The following PAK3 variants were observed in gnomAD, a reference collection of about 807,000 sequenced individuals.
PAK3 encodes serine/threonine-protein kinase PAK 3.
PAK3 carries 4 observed loss-of-function variants against 41.0 expected under a neutral mutation model. That is an observed-to-expected ratio of 0.10 (90% CI 0.05 to 0.22). PAK3 has a LOEUF of 0.22. Ranked by LOEUF, PAK3 falls within the 10% of genes least tolerant of loss-of-function variation. The pLI is 1.00. For missense variants in PAK3, 205 were observed against 409.9 expected (o/e 0.50, Z 4.32); for synonymous variants, 146 against 139.6 (o/e 1.05, Z -0.32).
chrX:111,021,499 C>T (rs993364469), intron 1 of PAK3, among the ~76,000 whole-genome samples: 1 of 111,755 alleles, frequency 8.9e-6, no homozygotes, highest in African/African-American at 3.3e-5. Flanking sequence ...GAAAATAACA[C>T]ATTAAGGGAG....
intron 1 of PAK3, among the ~76,000 whole-genome samples, chrX:110,990,643 TAA>T (rs374554182): frequency 4.4e-4 from 44 of 98,978 alleles, no homozygotes; most frequent in African/African-American, 1.1e-3. Flanking sequence ...TGGCAGGAGT[TAA>T]AAAAAAAAAA....
At chrX:110,955,587 G>A (rs968786369) in intron 1 of PAK3, among the ~76,000 whole-genome samples, 1 of 111,669 alleles carries the variant, frequency 9.0e-6, no homozygotes, top group African/African-American at 3.3e-5. Flanking sequence ...GCAGTGAGCT[G>A]TGATTGTGCC....
chrX:111,044,768 C>A (rs1296810622), intron 1 of PAK3, among the ~76,000 whole-genome samples: 2 of 112,394 alleles, frequency 1.8e-5, no homozygotes, highest in African/African-American at 6.5e-5. Context: ...TTCCATCTGT[C>A]CTGTCATCTG....
chrX:111,205,816 A>G (rs982816264), intron 16 of PAK3, among the ~76,000 whole-genome samples: 3 of 111,982 alleles, frequency 2.7e-5, no homozygotes, highest in African/African-American at 9.7e-5. Flanking sequence ...TGTTTCACAG[A>G]TCATATCACA....
At chrX:110,995,577 C>T (rs2091726118) in intron 1 of PAK3, among the ~76,000 whole-genome samples, 2 of 111,267 alleles carry the variant, frequency 1.8e-5, no homozygotes, top group Non-Finnish European at 3.8e-5. Context: ...TTCCTGCTTT[C>T]GCTCATGCCT....
At chrX:111,115,524 T>G (rs148998159) in intron 4 of PAK3, among the ~76,000 whole-genome samples, 1 of 111,623 alleles carries the variant, frequency 9.0e-6, no homozygotes, top group Non-Finnish European at 1.9e-5. Context: ...CCTTCAGTAT[T>G]TAAGAAAGCC....
intron 1 of PAK3, among the ~76,000 whole-genome samples, chrX:110,958,999 G>T (rs964725801): frequency 1.8e-5 from 2 of 112,022 alleles, no homozygotes; most frequent in Non-Finnish European, 1.9e-5. Flanking sequence ...TATAGACTTT[G>T]AACTTCATTC....
chrX:111,142,241 C>A, intron 6 of PAK3, 45 bp downstream of exon 6: 1 of 755,142 alleles, frequency 1.3e-6, no homozygotes, highest in Non-Finnish European at 2.1e-6. Context: ...GAAAGAATTC[C>A]TTTGTGAAAA....
At chrX:110,945,116 G>A (rs2090586340) in intron 1 of PAK3, among the ~76,000 whole-genome samples, 1 of 112,200 alleles carries the variant, frequency 8.9e-6, no homozygotes, top group Non-Finnish European at 1.9e-5. Flanking sequence ...GTGAGAGAAT[G>A]TGAGAGGACA....
At chrX:111,006,849 C>CTTTCTTTCTTTCTTTCTTTTTT (rs1556434441) in intron 1 of PAK3, among the ~76,000 whole-genome samples, 4 of 42,688 alleles carry the variant, frequency 9.4e-5, no homozygotes, top group Non-Finnish European at 1.3e-4. Context: ...TTCTTTCTTT[C>CTTTCTTTCTTTCTTTCTTTTTT]TTTTTTTTTT....
rs2092051463 is a variant in PAK3 at position 111,014,052 on chromosome X, G to A, written c.-28+69424G>A. ...AGGCTGTATGTATATCCTTTGAAAT[G>A]TTTCAAACATCTTTCCCTTTGCTAA... On this transcript the variant is annotated intron_variant, in intron 1 of 14. Coordinates refer to the PAK3 transcript ENST00000425146. Among the ~76,000 whole-genome samples the A allele has an allele frequency of 3.6e-5, 4 of 111,982 alleles. No homozygotes were observed. The Admixed American group carries it at 3.8e-4, about 11-fold the overall frequency.
At chrX:111,027,720 G>T (rs894629555) in intron 1 of PAK3, among the ~76,000 whole-genome samples, 8 of 110,984 alleles carry the variant, frequency 7.2e-5, no homozygotes, top group African/African-American at 2.6e-4. Flanking sequence ...CTGTTGGTGG[G>T]AATGTGAACT....
At chrX:111,136,089 T>A (rs752024434) in intron 5 of PAK3, among the ~76,000 whole-genome samples, 2 of 109,510 alleles carry the variant, frequency 1.8e-5, no homozygotes, top group South Asian at 7.9e-4. Flanking sequence ...GAAAGTGAAA[T>A]CAAAGGAATA....
At chrX:111,212,373 C>T (rs1393273281) in intron 16 of PAK3, among the ~76,000 whole-genome samples, 1 of 111,669 alleles carries the variant, frequency 9.0e-6, no homozygotes, top group Non-Finnish European at 1.9e-5. Flanking sequence ...CTCTCATTAG[C>T]TGGGTAGTGG....
intron 1 of PAK3, among the ~76,000 whole-genome samples, chrX:111,005,516 C>A (rs1340489573): frequency 2.7e-5 from 3 of 111,649 alleles, no homozygotes; most frequent in Non-Finnish European, 5.6e-5. Context: ...TCCTTCTAGT[C>A]CAGTGCAGCC....
At chrX:111,191,059 A>G (rs190282990) in intron 11 of PAK3, among the ~76,000 whole-genome samples, 59 of 112,238 alleles carry the variant, frequency 5.3e-4, no homozygotes, top group Non-Finnish European at 9.2e-4. Flanking sequence ...TGGAAGCAAG[A>G]GTACTGCTAA....
intron 1 of PAK3, among the ~76,000 whole-genome samples, chrX:111,014,213 A>G (rs2148712450): frequency 8.9e-6 from 1 of 112,003 alleles, no homozygotes; most frequent in East Asian, 2.8e-4. Context: ...CTCTGATTAT[A>G]TTATTCCCCT....
At chrX:111,176,636 C>T in intron 11 of PAK3, among the ~76,000 whole-genome samples, 1 of 111,271 alleles carries the variant, frequency 9.0e-6, no homozygotes, top group South Asian at 3.8e-4. Context: ...AGTGTGTCTT[C>T]ACATTTTTGT....
At chrX:111,108,681 TTCC>T (rs908669191) in intron 4 of PAK3, among the ~76,000 whole-genome samples, 48 of 112,525 alleles carry the variant, frequency 4.3e-4, no homozygotes, top group Middle Eastern at 4.6e-3. Context: ...AAAAATTGTC[TTCC>T]ACAAAACTGG....
Sources: gnomAD v4.1 joint callset for allele counts (sites outside exome capture counted in the v4.1 genomes callset) on GRCh38, gnomAD v4.1.1 for gene constraint, MANE v1.5 for transcripts, NCBI Gene and HGNC (gene_info 2026-07-23, HGNC 2026-07-21) for gene names.